The following PPP1R12B variants were observed in gnomAD, a reference collection of about 807,000 sequenced individuals.
PPP1R12B encodes the protein myosin phosphatase target subunit 2.
PPP1R12B carries 76 observed loss-of-function variants against 126.1 expected under a neutral mutation model. The observed-to-expected ratio is 0.60, with a 90% CI of 0.50 to 0.73. The LOEUF is 0.73. Among genes scored for constraint, PPP1R12B ranks in the 30% least tolerant of loss-of-function variants. The pLI is 0.00. For synonymous variants in PPP1R12B, 356 were observed against 434.7 expected, an observed-to-expected ratio of 0.82 and a Z score of 2.25; for missense variants, 1,052 against 1,205.1, an observed-to-expected ratio of 0.87 and a Z score of 1.88.
intron 18 of PPP1R12B, among the ~76,000 whole-genome samples, chr1:202,549,243 T>G (rs1686044247): frequency 6.6e-6 from 1 of 152,118 alleles, no homozygotes; most frequent in Non-Finnish European, 1.5e-5. Flanking sequence ...AATAGTGTCA[T>G]TTTTCATGAC....
intron 13 of PPP1R12B, among the ~76,000 whole-genome samples, chr1:202,483,176 G>A (rs1677629285): frequency 6.6e-6 from 1 of 150,596 alleles, no homozygotes; most frequent in Admixed American, 6.6e-5. Context: ...GTTATGTAGT[G>A]TGATGCTTCC....
At chr1:202,438,938 G>T (rs1052210031) in intron 10 of PPP1R12B, 2 of 1,533,710 alleles carry the variant, frequency 1.3e-6, no homozygotes, top group African/African-American at 1.4e-5. Context: ...CCCGAAGACG[G>T]CCGTGGACTG....
chr1:202,350,735 C>T (rs1444613645), intron 1 of PPP1R12B, among the ~76,000 whole-genome samples: 1 of 151,910 alleles, frequency 6.6e-6, no homozygotes, highest in Non-Finnish European at 1.5e-5. Flanking sequence ...ATTCTCCTGC[C>T]TCAGCCTCCC....
At position 202,440,696 on chromosome 1, in the gene PPP1R12B, T is replaced by A. The variant is rs749003760; in HGVS notation, c.1459-10T>A. 1 of 1,606,402 alleles carries A rather than the reference T, an allele frequency of 6.2e-7. No homozygotes were observed. The highest frequency in any genetic ancestry group is 2.2e-5 in the East Asian group (1 of 44,826). On this transcript the variant is annotated splice_polypyrimidine_tract_variant and intron_variant, in intron 10 of 23. Transcript: ENST00000608999. ...ACCTTTCTTGTGCTTTACTTGTTTTTATTTTACAGGAGAGAGAAAACAAAA... is the reference window on the plus strand; with the variant it reads ...ACCTTTCTTGTGCTTTACTTGTTTTAATTTTACAGGAGAGAGAAAACAAAA...
At chr1:202,426,482 A>G (rs1300408919) in intron 4 of PPP1R12B, among the ~76,000 whole-genome samples, 2 of 152,222 alleles carry the variant, frequency 1.3e-5, no homozygotes, top group South Asian at 2.1e-4. Flanking sequence ...ATAGTTAGCA[A>G]AAAATTGGAG....
chr1:202,515,378 C>T (rs918712557), intron 18 of PPP1R12B, among the ~76,000 whole-genome samples: 8 of 152,088 alleles, frequency 5.3e-5, no homozygotes, highest in African/African-American at 1.7e-4. Flanking sequence ...GTGACAGAAA[C>T]TTAACTTCTT....
rs561612010 is a variant in PPP1R12B, at chr1:202,587,172, G to A, written c.*6612G>A. ...AGATTTACTTGGGTGGCCCCTTAAGGTGACATCAGGATGCTCTTATGTCCT... is the reference window on the plus strand; with the variant it reads ...AGATTTACTTGGGTGGCCCCTTAAGATGACATCAGGATGCTCTTATGTCCT... On this transcript the variant is annotated 3_prime_UTR_variant, in exon 24 of 24. Coordinates refer to ENST00000608999, the MANE Select transcript of PPP1R12B (RefSeq NM_002481.4). 1 of 152,180 alleles carries A rather than the reference G, an allele frequency of 6.6e-6. No individual in the cohort carries two copies. Among genetic ancestry groups the A allele is most frequent in the African/African-American group, 2.4e-5 (1 of 41,504 alleles). The allele number at this position is 152,180 out of a possible 1,614,324, so 9.4% of individuals were successfully genotyped here. A position where few individuals can be genotyped will look rare whatever the true frequency, so the allele number is the denominator to read the frequency against.
chr1:202,386,762 G>T (rs1344849318), intron 1 of PPP1R12B, among the ~76,000 whole-genome samples: 2 of 151,824 alleles, frequency 1.3e-5, no homozygotes, highest in African/African-American at 2.4e-5. Context: ...TCTCCCGTGG[G>T]TAGTATATTT....
chr1:202,465,224 C>T (rs1041026900), intron 13 of PPP1R12B, among the ~76,000 whole-genome samples: 8 of 152,138 alleles, frequency 5.3e-5, no homozygotes, highest in African/African-American at 9.7e-5. Flanking sequence ...GAATTCAAAA[C>T]GAGGTATTTT....
chr1:202,472,550 A>T (rs569257447), intron 13 of PPP1R12B, among the ~76,000 whole-genome samples: 2 of 152,232 alleles, frequency 1.3e-5, no homozygotes, highest in African/African-American at 4.8e-5. Flanking sequence ...AGAGTGACCT[A>T]TGTAAGTAAA....
At chr1:202,506,567 A>G (rs1680823980) in intron 18 of PPP1R12B, among the ~76,000 whole-genome samples, 2 of 152,208 alleles carry the variant, frequency 1.3e-5, no homozygotes, top group Non-Finnish European at 2.9e-5. Context: ...CATGCATCTC[A>G]TCCAAAGATG....
At chr1:202,564,618 C>A in intron 21 of PPP1R12B, 71 bp downstream of exon 21, 2 of 1,254,500 alleles carry the variant, frequency 1.6e-6, no homozygotes, top group Non-Finnish European at 2.3e-6. Context: ...GACTAGGGAT[C>A]TAAGGGACAG....
chr1:202,486,440 A>T (rs574740294), intron 13 of PPP1R12B, among the ~76,000 whole-genome samples: 1 of 152,192 alleles, frequency 6.6e-6, no homozygotes, highest in African/African-American at 2.4e-5. Context: ...AAAATTTCTT[A>T]AAAAACAATT....
intron 13 of PPP1R12B, among the ~76,000 whole-genome samples, chr1:202,477,390 G>C (rs1676801087): frequency 6.6e-6 from 1 of 152,130 alleles, no homozygotes; most frequent in African/African-American, 2.4e-5. Flanking sequence ...CACCTACCAA[G>C]TAAGCTGAGA....
chr1:202,405,258 C>A (rs1666439330), intron 1 of PPP1R12B, among the ~76,000 whole-genome samples: 1 of 152,154 alleles, frequency 6.6e-6, no homozygotes, highest in African/African-American at 2.4e-5. Flanking sequence ...CCTTTACCAG[C>A]TATAGAAGTC....
intron 9 of PPP1R12B, 78 bp from the exon 10 acceptor site, chr1:202,437,743 G>A: frequency 7.6e-7 from 1 of 1,318,328 alleles, no homozygotes. Context: ...ACTTAGTTAA[G>A]TGTGGAAAAG....
chr1:202,401,161 G>A (rs987148135), intron 1 of PPP1R12B, among the ~76,000 whole-genome samples: 2 of 151,908 alleles, frequency 1.3e-5, no homozygotes, highest in African/African-American at 2.4e-5. Flanking sequence ...GATCTGCAAA[G>A]TGTAAAGTAC....
In PPP1R12B at chr1:202,472,630, T is replaced by C. The variant is rs149613233; in HGVS notation, c.1851-15903T>C. ...GTTTTTAATGGAACAAATGTTCAGA[T>C]GGAAAAGAATTCAAGATGATATAGT... On this transcript the variant is annotated intron_variant, in intron 13 of 23. Coordinates refer to ENST00000608999, the MANE Select transcript of PPP1R12B (RefSeq NM_002481.4). Among the ~76,000 whole-genome samples the C allele has an allele frequency of 3.7e-4, 57 of 152,328 alleles. 1 individual carries two copies. The East Asian group carries it at 0.01, about 27-fold the overall frequency.
chr1:202,428,639 T>A (rs536904075), intron 5 of PPP1R12B: 6 of 509,290 alleles, frequency 1.2e-5, no homozygotes, highest in Non-Finnish European at 2.1e-5. Flanking sequence ...TGCAGTACTG[T>A]TGTACAAACT....
Sources: allele counts gnomAD v4.1 joint callset (sites outside exome capture counted in the v4.1 genomes callset), GRCh38; gene constraint gnomAD v4.1.1; transcripts MANE v1.5; gene names NCBI Gene and HGNC (gene_info 2026-07-23, HGNC 2026-07-21).